TSNARE1: variants seen among roughly 807,000 people sequenced by gnomAD.
TSNARE1 encodes t-SNARE domain containing 1.
Under a neutral mutation model 62.0 loss-of-function variants are expected in TSNARE1, and 49 were observed. That is an observed-to-expected ratio of 0.79 (90% CI 0.63 to 1.00). The LOEUF is 1.00. Among genes scored for constraint, TSNARE1 ranks in the 50% least tolerant of loss-of-function variants. TSNARE1 has a pLI of 0.00. For missense variants in TSNARE1, 755 were observed against 700.1 expected, an observed-to-expected ratio of 1.08 and a Z score of -0.88; for synonymous variants, 328 against 294.4, an observed-to-expected ratio of 1.11 and a Z score of -1.17.
chr8:142,243,531 C>G (rs1012642959), intron 12 of TSNARE1, among the ~76,000 whole-genome samples: 1 of 150,144 alleles, frequency 6.7e-6, no homozygotes. Flanking sequence ...CTCACTTATA[C>G]GTAAAATCTA....
intron 1 of TSNARE1, among the ~76,000 whole-genome samples, chr8:142,395,434 C>T (rs1837828482): frequency 6.6e-6 from 1 of 152,084 alleles, no homozygotes; most frequent in South Asian, 2.1e-4. Context: ...GAGGGGCGGC[C>T]CCAGCAAAGA....
rs1420489666 is a variant in TSNARE1 at position 142,319,119 on chromosome 8, G to A, written c.894-485C>T. Among the ~76,000 whole-genome samples, 1 of 151,906 alleles carries A rather than the reference G, an allele frequency of 6.6e-6. No individual in the cohort carries two copies. The highest frequency in any genetic ancestry group is 6.5e-5 in the Admixed American group (1 of 15,278). On this transcript the variant is annotated intron_variant, in intron 6 of 13. Coordinates refer to ENST00000524325, the MANE Select transcript of TSNARE1 (RefSeq NM_145003.5). The surrounding 1 kb of genome is among the most constrained non-coding windows in gnomAD (Gnocchi z 4.9). ...GCCCAGCCAGAACAGTGGCAGCCGGGCCCCACCAATCGGCCACTGCGAGGA... is the reference window on the plus strand; with the variant it reads ...GCCCAGCCAGAACAGTGGCAGCCGGACCCCACCAATCGGCCACTGCGAGGA...
intron 4 of TSNARE1, among the ~76,000 whole-genome samples, chr8:142,341,458 C>T (rs1210286581): frequency 6.6e-6 from 1 of 152,198 alleles, no homozygotes; most frequent in Non-Finnish European, 1.5e-5. Flanking sequence ...CCCAGGAGGG[C>T]CCTGGCAGGC....
intron 1 of TSNARE1, among the ~76,000 whole-genome samples, chr8:142,370,072 C>T (rs79277861): frequency 7.4e-4 from 113 of 152,310 alleles, no homozygotes; most frequent in African/African-American, 2.5e-3. Context: ...CAGAAAGACC[C>T]TTCACCCTTC....
chr8:142,356,468 GC>G (rs1167990183), intron 1 of TSNARE1, among the ~76,000 whole-genome samples: 1 of 152,192 alleles, frequency 6.6e-6, no homozygotes, highest in Admixed American at 6.5e-5. Context: ...GATTCCAGGA[GC>G]CCCGAGTGAG....
At chr8:142,376,146 T>A (rs1836320110) in intron 1 of TSNARE1, among the ~76,000 whole-genome samples, 1 of 152,160 alleles carries the variant, frequency 6.6e-6, no homozygotes, top group Non-Finnish European at 1.5e-5. Flanking sequence ...TCTGAGTCTA[T>A]CCACATAATC....
intron 13 of TSNARE1, among the ~76,000 whole-genome samples, chr8:142,224,370 T>C (rs930084638): frequency 1.3e-5 from 2 of 152,244 alleles, no homozygotes; most frequent in South Asian, 4.1e-4. Flanking sequence ...CCTGATCACA[T>C]ATGGAGCCCT....
chr8:142,217,355 GA>G lies in TSNARE1; in HGVS notation c.*12-5043del, dbSNP rs1255176759. ...AGAAAGAAAGAAAGAAAGAAAGAAA[GA>G]AAGAAAGAAAGAAAGAAAAAAGGGA... On this transcript the variant is annotated intron_variant, in intron 13 of 13. Coordinates refer to ENST00000524325, the MANE Select transcript of TSNARE1 (RefSeq NM_145003.5). Among the ~76,000 whole-genome samples, 380 of 119,070 alleles carry G rather than the reference GA, an allele frequency of 3.2e-3. 6 individuals carry two copies. The highest frequency in any genetic ancestry group is 0.02 in the Admixed American group (227 of 11,362). The allele number at this position is 119,070 out of a possible 152,430, so 78.1% of individuals were successfully genotyped here.
chr8:142,222,803 CTCACTCAT>C (rs1230120084), intron 13 of TSNARE1, among the ~76,000 whole-genome samples: 3 of 89,070 alleles, frequency 3.4e-5, no homozygotes, highest in Non-Finnish European at 7.1e-5. Context: ...CATCCACTCA[CTCACTCAT>C]TCACTCACTC....
chr8:142,238,757 ACCCCTGCACGCCCG>A (rs58033671), intron 12 of TSNARE1, among the ~76,000 whole-genome samples: 1 of 82,862 alleles, frequency 1.2e-5, no homozygotes, highest in South Asian at 5.0e-4. Flanking sequence ...CTGCACGCCC[ACCCCTGCACGCCCG>A]CCCCTGCACA....
chr8:142,277,200 T>G (rs2130677823), intron 11 of TSNARE1: 1 of 985,214 alleles, frequency 1.0e-6, no homozygotes, highest in East Asian at 1.1e-4. Flanking sequence ...CAGGGGGTGC[T>G]CCACGGGGGC....
At chr8:142,337,318 C>A (rs1831884616) in intron 4 of TSNARE1, among the ~76,000 whole-genome samples, 1 of 152,214 alleles carries the variant, frequency 6.6e-6, no homozygotes. Flanking sequence ...GCCAGCAATT[C>A]AACTTGCAGG....
intron 11 of TSNARE1, chr8:142,276,942 T>C (rs1474049962): frequency 4.1e-6 from 4 of 985,316 alleles, no homozygotes; most frequent in African/African-American, 1.7e-5. Flanking sequence ...GGGCACGCCA[T>C]GTCCTGCCCC....
intron 2 of TSNARE1, 23 bp from the exon 3 acceptor site, chr8:142,345,915 A>T (rs1189777856): frequency 1.2e-6 from 2 of 1,606,200 alleles, no homozygotes; most frequent in Non-Finnish European, 1.7e-6. Context: ...AGGGACAGTC[A>T]CGATTACTCT....
intron 1 of TSNARE1, among the ~76,000 whole-genome samples, chr8:142,380,862 G>A (rs1564004899): frequency 6.6e-6 from 1 of 152,088 alleles, no homozygotes; most frequent in African/African-American, 2.4e-5. Flanking sequence ...TTAGGAAAGT[G>A]AGATAAAGTC....
At chr8:142,339,737 C>A (rs954950546) in intron 4 of TSNARE1, among the ~76,000 whole-genome samples, 20 of 152,268 alleles carry the variant, frequency 1.3e-4, no homozygotes, top group Non-Finnish European at 2.4e-4. Flanking sequence ...CGAGGGAGGT[C>A]TGCGGGAAAG....
chr8:142,221,106 G>T (rs1242184261), intron 13 of TSNARE1, among the ~76,000 whole-genome samples: 1 of 152,194 alleles, frequency 6.6e-6, no homozygotes, highest in East Asian at 1.9e-4. Context: ...CCTGGCTTCT[G>T]AGCAAATCCT....
intron 6 of TSNARE1, among the ~76,000 whole-genome samples, chr8:142,325,511 T>C (rs1830078147): frequency 6.6e-6 from 1 of 151,872 alleles, no homozygotes; most frequent in Non-Finnish European, 1.5e-5. Flanking sequence ...AGGTGAGAAG[T>C]GCGTGGACAC....
At chr8:142,236,175 C>G (rs1352310512) in intron 12 of TSNARE1, among the ~76,000 whole-genome samples, 2 of 152,166 alleles carry the variant, frequency 1.3e-5, no homozygotes, top group Non-Finnish European at 2.9e-5. Flanking sequence ...TTTGCTTTGA[C>G]TTCTGTTACA....
Sources: gnomAD v4.1 joint callset for allele counts (sites outside exome capture counted in the v4.1 genomes callset) on GRCh38, gnomAD v4.1.1 for gene constraint, Gnocchi (gnomAD v3.1) non-coding constraint, MANE v1.5 for transcripts, NCBI Gene and HGNC (gene_info 2026-07-23, HGNC 2026-07-21) for gene names.